The following TECRL variants were observed in gnomAD, a reference collection of about 807,000 sequenced individuals.
TECRL encodes trans-2,3-enoyl-CoA reductase-like.
In TECRL, 63 loss-of-function variants were observed where a neutral mutation model predicts 52.8. The ratio of observed to expected loss-of-function variants is 1.19; its 90% confidence interval spans 0.97 to 1.47. The LOEUF is 1.47. Ranked by LOEUF, TECRL falls within the 40% of genes most tolerant of loss-of-function variation. The probability of loss-of-function intolerance (pLI) is 0.00; values close to 1 mark genes in which losing one functional copy is unlikely to be tolerated. For missense variants in TECRL, 482 were observed against 429.6 expected, an observed-to-expected ratio of 1.12 and a Z score of -1.08; for synonymous variants, 164 against 141.9, an observed-to-expected ratio of 1.16 and a Z score of -1.10.
At chr4:64,342,332 G>A (rs1236597974) in intron 2 of TECRL, among the ~76,000 whole-genome samples, 3 of 151,990 alleles carry the variant, frequency 2.0e-5, no homozygotes, top group Admixed American at 6.6e-5. Flanking sequence ...GTGATTGGAG[G>A]ACTGCATGAC....
At position 64,287,022 on chromosome 4, in the gene TECRL, C is replaced by T. The variant is rs565033511; in HGVS notation, c.832+2688G>A. ...TTTTTCACTTGTGATTCACATGCAT[C>T]CAAAGAAAATTCAATGTATCTGTGA... On this transcript the variant is annotated intron_variant, in intron 9 of 11. Coordinates refer to ENST00000381210, the MANE Select transcript of TECRL (RefSeq NM_001010874.5). 1.2e-4 allele frequency among the ~76,000 whole-genome samples: 19 copies of T among 152,164 alleles called. 1 individual carries two copies. Among genetic ancestry groups the T allele is most frequent in the African/African-American group, 4.3e-4 (18 of 41,528 alleles).
chr4:64,299,661 A>C (rs2109972501), intron 8 of TECRL, among the ~76,000 whole-genome samples: 1 of 151,116 alleles, frequency 6.6e-6, no homozygotes, highest in South Asian at 2.1e-4. Flanking sequence ...AGATTTGCAA[A>C]AAATTTTTGC....
At chr4:64,282,070 T>C (rs904249189) in intron 9 of TECRL, among the ~76,000 whole-genome samples, 1 of 151,898 alleles carries the variant, frequency 6.6e-6, no homozygotes, top group Non-Finnish European at 1.5e-5. Flanking sequence ...ACACCTCTAA[T>C]AAAAGGATTA....
chr4:64,321,920 A>G (rs910238573), intron 4 of TECRL, among the ~76,000 whole-genome samples: 1 of 152,184 alleles, frequency 6.6e-6, no homozygotes, highest in African/African-American at 2.4e-5. Context: ...TCCAGTGTCA[A>G]AAGAATCTGT....
intron 2 of TECRL, among the ~76,000 whole-genome samples, chr4:64,334,660 T>A (rs1251967972): frequency 1.3e-5 from 2 of 152,142 alleles, no homozygotes; most frequent in African/African-American, 2.4e-5. Context: ...GAAAAAAGTT[T>A]CTATAGGAAA....
At chr4:64,374,081 A>ATATATATT (rs1242146303) in intron 2 of TECRL, among the ~76,000 whole-genome samples, 45 of 101,156 alleles carry the variant, frequency 4.4e-4, no homozygotes, top group African/African-American at 1.7e-3. Context: ...ATATATATAT[A>ATATATATT]TTTATCTTTT....
rs566057475 is a variant in TECRL at position 64,294,898 on chromosome 4, G to A, written c.774+5076C>T. On this transcript the variant is annotated intron_variant, in intron 8 of 11. Coordinates refer to ENST00000381210, the MANE Select transcript of TECRL (RefSeq NM_001010874.5). ...GAAATTTATTAACTATTCTGATCTT[G>A]GACAATTTAATTTCTACTTTAATAG... Among the ~76,000 whole-genome samples, 3 of 151,790 alleles carry A rather than the reference G, an allele frequency of 2.0e-5. No individual in the cohort carries two copies. The East Asian group carries it at 5.8e-4, about 29-fold the overall frequency.
Position 64,299,969 on chromosome 4 carries a change from C to A in TECRL, c.774+5G>T. On this transcript the variant is annotated splice_donor_5th_base_variant and intron_variant, in intron 8 of 11. Transcript: ENST00000381210. ...TGAATAGCAAAATATATATATGATA[C>A]ATACCAGAAAATTGATAGCAGATAC... 6.4e-7 allele frequency: 1 copy of A among 1,565,902 alleles called. No homozygotes were observed. The highest frequency in any genetic ancestry group is 1.2e-5 in the South Asian group (1 of 84,724).
chr4:64,374,079 A>ATATATATATATT (rs1343885987), intron 2 of TECRL, among the ~76,000 whole-genome samples: 50 of 96,720 alleles, frequency 5.2e-4, no homozygotes, highest in East Asian at 1.5e-3. Context: ...ATATATATAT[A>ATATATATATATT]TATTTATCTT....
chr4:64,286,661 C>A (rs912460388), intron 9 of TECRL, among the ~76,000 whole-genome samples: 1 of 151,920 alleles, frequency 6.6e-6, no homozygotes, highest in Non-Finnish European at 1.5e-5. Flanking sequence ...AAGTCACCTG[C>A]ACATCGAAGC....
chr4:64,298,416 T>G (rs1335272203), intron 8 of TECRL, among the ~76,000 whole-genome samples: 1 of 151,112 alleles, frequency 6.6e-6, no homozygotes, highest in East Asian at 1.9e-4. Context: ...TTTTTAAGTC[T>G]CTGGGGAAAA....
intron 3 of TECRL, among the ~76,000 whole-genome samples, chr4:64,326,221 GA>G (rs1309839297): frequency 1.3e-4 from 20 of 151,962 alleles, no homozygotes; most frequent in East Asian, 1.2e-3. Context: ...AACAGTGATG[GA>G]AAAAAATCTA....
intron 2 of TECRL, among the ~76,000 whole-genome samples, chr4:64,372,768 A>G (rs1355013653): frequency 6.6e-6 from 1 of 151,568 alleles, no homozygotes; most frequent in Non-Finnish European, 1.5e-5. Context: ...TTTTCTTCCC[A>G]AGATTAAATT....
intron 5 of TECRL, among the ~76,000 whole-genome samples, chr4:64,311,775 G>T (rs1483717): frequency 0.99 from 151,174 of 152,324 alleles, 75,026 homozygotes; most frequent in Non-Finnish European, 1. Context: ...ACACTGATTA[G>T]TTTTTGTGGA....
intron 2 of TECRL, among the ~76,000 whole-genome samples, chr4:64,351,656 C>T (rs758584446): frequency 5.9e-5 from 9 of 152,074 alleles, no homozygotes; most frequent in Non-Finnish European, 1.2e-4. Flanking sequence ...CCTGACTTGA[C>T]CATTACAAAT....
rs542598255 is a variant in TECRL at position 64,333,921 on chromosome 4, G to A, written c.287-5365C>T. On this transcript the variant is annotated intron_variant, in intron 2 of 11. Coordinates refer to ENST00000381210, the MANE Select transcript of TECRL (RefSeq NM_001010874.5). The stretch of plus-strand genomic sequence containing the variant: ...CGCCTGTAGTCCCAGCTACTCGGGA[G>A]GCTGAGGCAGGAGAATGGCGTGAAC... Among the ~76,000 whole-genome samples, 125 of 140,806 alleles carry A rather than the reference G, an allele frequency of 8.9e-4. 14 individuals are homozygous for A. The highest frequency in any genetic ancestry group is 3.4e-3 in the African/African-American group (120 of 35,796). The allele number at this position is 140,806 out of a possible 152,430, so 92.4% of individuals were successfully genotyped here.
Position 64,280,106 on chromosome 4 carries a change from T to A in TECRL, c.1058A>T (p.His353Leu), listed in dbSNP as rs1254669938. 2.5e-6 allele frequency: 4 copies of A among 1,601,236 alleles called. No homozygotes were observed. Among genetic ancestry groups the A allele is most frequent in the South Asian group, 2.3e-5 (2 of 88,498 alleles). Residue 353 changes from histidine to leucine, a missense_variant, in exon 12 of 12, where the codon CAT becomes CTT. Physicochemically the swap from His to Leu is moderately conservative, Grantham distance 99. Transcript: ENST00000381210. ...IYLRKFNSYI[H>L]RKSAMIPFIL ...GAATGGAATCATTGCTGATTTTCTA[T>A]GAATATATGAATTGAATTTTCTCAG...
intron 2 of TECRL, among the ~76,000 whole-genome samples, chr4:64,345,738 A>G (rs919237178): frequency 6.6e-6 from 1 of 151,746 alleles, no homozygotes; most frequent in Non-Finnish European, 1.5e-5. Flanking sequence ...CTAAGTCACA[A>G]GCAGACCCCA....
chr4:64,363,672 G>A (rs528468245), intron 2 of TECRL, among the ~76,000 whole-genome samples: 7 of 152,260 alleles, frequency 4.6e-5, no homozygotes, highest in African/African-American at 1.4e-4. Context: ...ATAAAGAAGA[G>A]GAACAGGCTA....
Sources: gnomAD v4.1 joint callset for allele counts (sites outside exome capture counted in the v4.1 genomes callset) on GRCh38, gnomAD v4.1.1 for gene constraint, MANE v1.5 for transcripts, NCBI Gene and HGNC (gene_info 2026-07-23, HGNC 2026-07-21) for gene names.